The following TENM2 variants were observed in gnomAD, a reference collection of about 807,000 sequenced individuals.
The protein encoded by TENM2 is teneurin-2.
In TENM2, 52 loss-of-function variants were observed where a neutral mutation model predicts 245.2. That is an observed-to-expected ratio of 0.21 (90% confidence interval 0.17 to 0.27). The LOEUF is 0.27. Among genes scored for constraint, TENM2 ranks in the 10% least tolerant of loss-of-function variants. The probability of loss-of-function intolerance (pLI) is 1.00; values close to 1 mark genes in which losing one functional copy is unlikely to be tolerated. For synonymous variants in TENM2, 1,363 were observed against 1,438.9 expected (o/e 0.95, Z 1.19); for missense variants, 3,046 against 3,666.8 (o/e 0.83, Z 4.37).
At chr5:167,745,807 C>G (rs1169755829) in intron 2 of TENM2, among the ~76,000 whole-genome samples, 4 of 152,174 alleles carry the variant, frequency 2.6e-5, no homozygotes, top group Non-Finnish European at 4.4e-5. Context: ...CTATGCATAG[C>G]ATGTATCAGT....
At chr5:167,285,318 A>G (rs191794184) in intron 1 of TENM2, among the ~76,000 whole-genome samples, 2 of 152,056 alleles carry the variant, frequency 1.3e-5, no homozygotes, top group Non-Finnish European at 1.5e-5. Context: ...TCCTTTTCCC[A>G]TTGGGTTTCT....
chr5:167,588,281 G>A (rs372057375), intron 2 of TENM2, among the ~76,000 whole-genome samples: 1 of 152,184 alleles, frequency 6.6e-6, no homozygotes, highest in African/African-American at 2.4e-5. Flanking sequence ...TGGCTAATAG[G>A]CTAAGCCTGG....
chr5:167,003,563 G>A, the TENM2 span, among the ~76,000 whole-genome samples: 21 of 152,122 alleles, frequency 1.4e-4, no homozygotes, highest in African/African-American at 3.6e-4. Flanking sequence ...TTATTGTGAC[G>A]AAAATGTCGG....
At chr5:167,323,543 A>G (rs952477424) in intron 1 of TENM2, among the ~76,000 whole-genome samples, 8 of 152,104 alleles carry the variant, frequency 5.3e-5, no homozygotes, top group Non-Finnish European at 1.2e-4. Context: ...TTTTTTTCCT[A>G]AATGCAATCA....
chr5:167,069,546 G>T, the TENM2 span, among the ~76,000 whole-genome samples: 3 of 152,050 alleles, frequency 2.0e-5, no homozygotes, highest in Admixed American at 1.3e-4. Flanking sequence ...AGATTAACTG[G>T]CATCAATAAT....
chr5:167,507,166 A>T (rs977816762), intron 2 of TENM2, among the ~76,000 whole-genome samples: 1 of 152,200 alleles, frequency 6.6e-6, no homozygotes, highest in South Asian at 2.1e-4. Flanking sequence ...TTTCAGATAA[A>T]TAGAATCGTA....
Position 167,952,931 on chromosome 5 carries a change from T to A in TENM2, c.947+109T>A, listed in dbSNP as rs972685646. 6.8e-6 allele frequency: 6 copies of A among 879,462 alleles called. No homozygotes were observed. In the African/African-American group the frequency reaches 1.0e-4, roughly 15 times the overall value. The allele number at this position is 879,462 out of a possible 1,614,324, so 54.5% of individuals were successfully genotyped here. ...GTTCCAGTCGGAGAGACCCTCTGGG[T>A]ATAAATAATGAGACAAGTTTACCAC... On this transcript the variant is annotated intron_variant, in intron 4 of 28. Transcript: ENST00000518659.
chr5:167,115,219 TG>T, the TENM2 span, among the ~76,000 whole-genome samples: 1 of 152,120 alleles, frequency 6.6e-6, no homozygotes, highest in African/African-American at 2.4e-5. Flanking sequence ...GAGCTGGTTG[TG>T]GGTGTCTAAT....
At chr5:167,235,510 A>C in the TENM2 span, among the ~76,000 whole-genome samples, 5 of 152,204 alleles carry the variant, frequency 3.3e-5, no homozygotes, top group Non-Finnish European at 7.3e-5. Flanking sequence ...CACATAACTG[A>C]AAAGTTTAGG....
intron 2 of TENM2, among the ~76,000 whole-genome samples, chr5:167,676,496 G>C (rs1193451658): frequency 1.3e-5 from 2 of 152,026 alleles, no homozygotes; most frequent in African/African-American, 4.8e-5. Context: ...ATCAGAAAAT[G>C]AACTTGAAAA....
At chr5:167,420,300 A>G (rs192901810) in intron 2 of TENM2, among the ~76,000 whole-genome samples, 2 of 152,226 alleles carry the variant, frequency 1.3e-5, no homozygotes, top group Admixed American at 6.5e-5. Context: ...ATGATGTCAA[A>G]TTATTCAAGC....
chr5:167,322,332 G>A (rs1335854031), intron 1 of TENM2, among the ~76,000 whole-genome samples: 3 of 151,416 alleles, frequency 2.0e-5, no homozygotes, highest in African/African-American at 7.3e-5. Flanking sequence ...ACTTGGCTTT[G>A]TATTCTGGCC....
intron 23 of TENM2, among the ~76,000 whole-genome samples, chr5:168,225,124 G>GAGTC (rs1562302515): frequency 6.6e-6 from 1 of 152,190 alleles, no homozygotes; most frequent in African/African-American, 2.4e-5. Flanking sequence ...GATGGTAAGG[G>GAGTC]AGTCATTGGG....
At chr5:168,259,714 C>A (rs1213212189) in intron 27 of TENM2, among the ~76,000 whole-genome samples, 2 of 152,212 alleles carry the variant, frequency 1.3e-5, no homozygotes, top group Non-Finnish European at 2.9e-5. Flanking sequence ...TGGCCCCAGT[C>A]CAAAAGGCCT....
intron 2 of TENM2, among the ~76,000 whole-genome samples, chr5:167,427,807 CGGAAAGGAAGGGAAGGAAGGGACGGGA>C (rs1763955080): frequency 1.7e-5 from 1 of 59,108 alleles, no homozygotes; most frequent in East Asian, 4.8e-4. Flanking sequence ...GAAGGAAGGA[CGGAAAGGAAGGGAAGGAAGGGACGGGA>C]GGGAAGGAAG....
At chr5:168,154,276 G>A (rs1026639799) in intron 12 of TENM2, among the ~76,000 whole-genome samples, 2 of 151,720 alleles carry the variant, frequency 1.3e-5, no homozygotes, top group South Asian at 2.1e-4. Flanking sequence ...GAAGTGGTGC[G>A]ATCTTGGCTC....
At chr5:167,763,392 G>T (rs1762802915) in intron 2 of TENM2, among the ~76,000 whole-genome samples, 1 of 152,012 alleles carries the variant, frequency 6.6e-6, no homozygotes, top group Non-Finnish European at 1.5e-5. Flanking sequence ...GTTTCAAATG[G>T]CAGCCTCAAG....
At chr5:168,120,601 A>G (rs1021092078) in intron 10 of TENM2, among the ~76,000 whole-genome samples, 1 of 152,222 alleles carries the variant, frequency 6.6e-6, no homozygotes, top group Non-Finnish European at 1.5e-5. Flanking sequence ...TTAAATGTTC[A>G]GAGTGAATTA....
chr5:167,257,966 C>A, the TENM2 span, among the ~76,000 whole-genome samples: 1 of 151,564 alleles, frequency 6.6e-6, no homozygotes, highest in Non-Finnish European at 1.5e-5. Context: ...AGGAAAGGAC[C>A]AAAGTTAATG....
Sources: gnomAD v4.1 joint callset for allele counts (sites outside exome capture counted in the v4.1 genomes callset) on GRCh38, gnomAD v4.1.1 for gene constraint, MANE v1.5 for transcripts, NCBI Gene and HGNC (gene_info 2026-07-23, HGNC 2026-07-21) for gene names.